ITGAL: variants seen among roughly 807,000 people sequenced by gnomAD.
The protein encoded by ITGAL is integrin alpha-L.
Under a neutral mutation model 138.4 loss-of-function variants are expected in ITGAL, and 68 were observed. The observed-to-expected ratio is 0.49, with a 90% CI of 0.40 to 0.60. The LOEUF (loss-of-function observed/expected upper bound fraction) is 0.60, where lower values mean the gene tolerates loss of function less well. ITGAL is among the 20% of genes least tolerant of loss of function. ITGAL has a pLI of 0.00. For missense variants in ITGAL, 1,256 were observed against 1,478.6 expected, an observed-to-expected ratio of 0.85 and a Z score of 2.47; for synonymous variants, 561 against 584.3, an observed-to-expected ratio of 0.96 and a Z score of 0.57.
Position 30,479,375 on chromosome 16 carries a change from T to G in ITGAL, c.490T>G (p.Ser164Ala). Residue 164 changes from serine (S) to alanine (A), a missense_variant, in exon 6 of 31, where the codon TCG becomes GCG. Physicochemically the swap from Ser to Ala is moderately conservative, Grantham distance 99. Coordinates refer to ENST00000356798, the MANE Select transcript of ITGAL (RefSeq NM_002209.3). ...NVDLVFLFDGSMSLQPDEFQK... is the reference protein window; with the variant it reads ...NVDLVFLFDGAMSLQPDEFQK... ...AGACCTGGTATTTCTGTTTGATGGT[T>G]CGATGAGCTTGCAGCCAGATGAATT... is the stretch of plus-strand genomic sequence containing the variant. 1 of 1,614,180 alleles carries G rather than the reference T, an allele frequency of 6.2e-7. No individual in the cohort carries two copies. Among genetic ancestry groups the G allele is most frequent in the Non-Finnish European group, 8.5e-7 (1 of 1,180,028 alleles).
chr16:30,478,659 T>C (rs1354041660), intron 4 of ITGAL, among the ~76,000 whole-genome samples: 1 of 131,868 alleles, frequency 7.6e-6, no homozygotes, highest in Non-Finnish European at 1.5e-5. Flanking sequence ...GATCATGCCA[T>C]GCAGTCCAGC....
chr16:30,491,774 C>G (rs2050727161), intron 11 of ITGAL, among the ~76,000 whole-genome samples: 1 of 151,984 alleles, frequency 6.6e-6, no homozygotes, highest in Non-Finnish European at 1.5e-5. Context: ...GAGGTTATAG[C>G]CGTGAGCCAC....
intron 23 of ITGAL, 40 bp from the exon 24 acceptor site, chr16:30,511,010 C>T (rs774875962): frequency 1.2e-6 from 2 of 1,611,304 alleles, no homozygotes; most frequent in Non-Finnish European, 1.7e-6. Context: ...CCTGGCCAAG[C>T]CCTTCTCCTA....
intron 17 of ITGAL, among the ~76,000 whole-genome samples, chr16:30,500,623 C>T (rs1415525904): frequency 6.6e-6 from 1 of 151,962 alleles, no homozygotes; most frequent in Non-Finnish European, 1.5e-5. Context: ...AATCATGGCT[C>T]ACTGTAGCCT....
In ITGAL at chr16:30,489,166, G is replaced by A; in HGVS notation, c.1080+11G>A. ...GCTGACCTCAGCAGGGTGCGTGCTG[G>A]GCTGGAGCAATGGGCTGCAGGGAGT... On this transcript the variant is annotated intron_variant, in intron 10 of 30. Coordinates refer to ENST00000356798, the MANE Select transcript of ITGAL (RefSeq NM_002209.3). 2 of 1,614,030 alleles carry A rather than the reference G, an allele frequency of 1.2e-6. No homozygotes were observed. Among genetic ancestry groups the A allele is most frequent in the Non-Finnish European group, 1.7e-6 (2 of 1,179,962 alleles).
At chr16:30,499,731 A>ATTTTT (rs1391197801) in intron 17 of ITGAL, among the ~76,000 whole-genome samples, 2 of 96,682 alleles carry the variant, frequency 2.1e-5, no homozygotes, top group African/African-American at 6.1e-5. Flanking sequence ...ATATATATAT[A>ATTTTT]TATTTTTTTT....
chr16:30,496,605 C>T, intron 15 of ITGAL, 39 bp downstream of exon 15: 1 of 1,534,616 alleles, frequency 6.5e-7, no homozygotes, highest in Non-Finnish European at 8.7e-7. Flanking sequence ...ATGACCCCAG[C>T]TCTTATCCTG....
chr16:30,501,662 A>T lies in ITGAL; in HGVS notation c.2145+2173A>T, dbSNP rs552338027. On this transcript the variant is annotated intron_variant, in intron 17 of 30. Transcript: ENST00000356798. Reference sequence around the variant, plus strand: ...TGTTGTTATTTGCCAGGTACATATCATGCATCCCAGAAAAACTTAGGGATT... The same window carrying T: ...TGTTGTTATTTGCCAGGTACATATCTTGCATCCCAGAAAAACTTAGGGATT... Among the ~76,000 whole-genome samples the T allele has an allele frequency of 4.4e-5, 5 of 113,474 alleles. No homozygotes were observed. The South Asian group carries it at 1.6e-3, about 36-fold the overall frequency. The allele number at this position is 113,474 out of a possible 152,430, so 74.4% of individuals were successfully genotyped here. A position where few individuals can be genotyped will look rare whatever the true frequency, so the allele number is the denominator to read the frequency against.
In ITGAL at chr16:30,505,371, T is replaced by G; in HGVS notation, c.2293-18T>G. ...CTCCTGATCTGAGCCTGTTACTCCT[T>G]TCTTCTTGGTGTTTCAGATCCCTTT... On this transcript the variant is annotated intron_variant, in intron 19 of 30. Coordinates refer to ENST00000356798, the MANE Select transcript of ITGAL (RefSeq NM_002209.3). 6.2e-7 allele frequency: 1 copy of G among 1,613,930 alleles called. No individual in the cohort carries two copies. Among genetic ancestry groups the G allele is most frequent in the Non-Finnish European group, 8.5e-7 (1 of 1,179,836 alleles).
At chr16:30,496,028 C>A in intron 13 of ITGAL, 69 bp from the exon 14 acceptor site, 1 of 1,285,548 alleles carries the variant, frequency 7.8e-7, no homozygotes, top group South Asian at 1.2e-5. Flanking sequence ...CTTTAGCATT[C>A]TTCACTCAGT....
At position 30,522,075 on chromosome 16, in the gene ITGAL, GTCCAGTC is replaced by G. The variant is rs2051262483; in HGVS notation, c.*413_*419del. The G allele has an allele frequency of 5.9e-6, 1 of 169,084 alleles. No individual in the cohort carries two copies. The allele number at this position is 169,084 out of a possible 1,614,324, so 10.5% of individuals were successfully genotyped here. On this transcript the variant is annotated 3_prime_UTR_variant, in exon 31 of 31. Coordinates refer to ENST00000356798, the MANE Select transcript of ITGAL (RefSeq NM_002209.3). This position sits in a 1 kb window ranked among gnomAD's most constrained non-coding sequence, Gnocchi z 4.0. ...TCCTTGCACACTCCCCTGCACTGGA[GTCCAGTC>G]TCTTCTGCTGGCAGAAAGCAAATGT...
intron 17 of ITGAL, among the ~76,000 whole-genome samples, chr16:30,499,733 A>ATATATTT: frequency 2.3e-5 from 2 of 88,364 alleles, no homozygotes; most frequent in East Asian, 3.4e-4. Context: ...ATATATATAT[A>ATATATTT]TTTTTTTTTT....
At position 30,479,413 on chromosome 16, in the gene ITGAL, G is replaced by A; in HGVS notation, c.528G>A (p.Leu176=). ...SLQPDEFQKI[L]DFMKDVMKKL... Reference sequence around the variant, plus strand: ...AGCCAGATGAATTTCAGAAAATTCTGGACTTCATGAAGGATGTGATGAAGA... The same window carrying A: ...AGCCAGATGAATTTCAGAAAATTCTAGACTTCATGAAGGATGTGATGAAGA... Residue 176 remains leucine (L), a synonymous_variant, in exon 6 of 31, where the codon CTG becomes CTA. Coordinates refer to ENST00000356798, the MANE Select transcript of ITGAL (RefSeq NM_002209.3). 1 of 1,614,028 alleles carries A rather than the reference G, an allele frequency of 6.2e-7. No individual in the cohort carries two copies. Among genetic ancestry groups the A allele is most frequent in the Non-Finnish European group, 8.5e-7 (1 of 1,179,968 alleles).
At chr16:30,492,835 C>T (rs561708295) in intron 11 of ITGAL, among the ~76,000 whole-genome samples, 5 of 152,154 alleles carry the variant, frequency 3.3e-5, no homozygotes, top group South Asian at 2.1e-4. Context: ...TGAGCCACCG[C>T]GCCCGGCAAC....
At chr16:30,517,112 T>C (rs779328490) in intron 26 of ITGAL, 26 bp downstream of exon 26, 2 of 1,455,408 alleles carry the variant, frequency 1.4e-6, no homozygotes, top group Non-Finnish European at 1.9e-6. Flanking sequence ...AGAGGGAGGG[T>C]CTACCCTCCT....
At chr16:30,489,565 G>A (rs1191085174) in intron 11 of ITGAL, among the ~76,000 whole-genome samples, 179 bp downstream of exon 11, 1 of 152,106 alleles carries the variant, frequency 6.6e-6, no homozygotes, top group Admixed American at 6.6e-5. Context: ...TTGACATCTT[G>A]GGGCCGTGCT....
intron 17 of ITGAL, among the ~76,000 whole-genome samples, chr16:30,501,736 A>C (rs1291521445): frequency 6.6e-6 from 1 of 152,160 alleles, no homozygotes; most frequent in Non-Finnish European, 1.5e-5. Context: ...GGAAAAAAAA[A>C]GTTTTTAAAA....
intron 8 of ITGAL, 59 bp downstream of exon 8, chr16:30,484,018 C>A (rs556095531): frequency 8.8e-6 from 14 of 1,595,984 alleles, no homozygotes; most frequent in Middle Eastern, 1.7e-4. Context: ...GAACCCCAAG[C>A]CCCTTTCTCC....
chr16:30,510,361 C>T lies in ITGAL; in HGVS notation c.2509C>T (p.Pro837Ser), dbSNP rs138016221. Residue 837 changes from proline to serine, a missense_variant and splice_region_variant, in exon 22 of 31, where the codon CCC becomes TCC. Pro to Ser is a moderately conservative substitution (Grantham distance 74). Around this residue, in one of 3 missense-constraint regions of ITGAL, gnomAD observed 867 missense variants for 972.5 expected, o/e 0.89. Coordinates refer to ENST00000356798, the MANE Select transcript of ITGAL (RefSeq NM_002209.3). Reference sequence around the variant, plus strand: ...ACTTGTTTCCTCCTTTCACTCCCAGCCCCATAGCCAGATACCTGTGAGCTG... The same window carrying T: ...ACTTGTTTCCTCCTTTCACTCCCAGTCCCATAGCCAGATACCTGTGAGCTG... Reference protein sequence around the residue: ...LSFRKVEMLKPHSQIPVSCEE... With the variant: ...LSFRKVEMLKSHSQIPVSCEE... The T allele has an allele frequency of 2.2e-5, 35 of 1,590,116 alleles. No individual in the cohort carries two copies. Among genetic ancestry groups the T allele is most frequent in the Middle Eastern group, 3.3e-4 (2 of 6,048 alleles).
Sources: gnomAD v4.1 joint callset for allele counts (sites outside exome capture counted in the v4.1 genomes callset) on GRCh38, gnomAD v4.1.1 for gene constraint, gnomAD v4.1.1 regional missense constraint, Gnocchi (gnomAD v3.1) non-coding constraint, MANE v1.5 for transcripts, NCBI Gene and HGNC (gene_info 2026-07-23, HGNC 2026-07-21) for gene names.